ACTN1: variants seen among roughly 807,000 people sequenced by gnomAD.
The protein encoded by ACTN1 is alpha-actinin-1.
A neutral mutation model predicts 119.6 loss-of-function variants in ACTN1; 30 were observed. The ratio of observed to expected loss-of-function variants is 0.25; its 90% CI spans 0.19 to 0.34. The LOEUF is 0.34. Ranked by LOEUF, ACTN1 falls within the 10% of genes least tolerant of loss-of-function variation. The pLI is 1.00. For missense variants in ACTN1, 764 were observed against 1,223.4 expected, an observed-to-expected ratio of 0.62 and a Z score of 5.60; for synonymous variants, 429 against 472.6, an observed-to-expected ratio of 0.91 and a Z score of 1.20.
Position 68,935,387 on chromosome 14 carries a change from A to ATTT in ACTN1, c.106-9718_106-9716dup, listed in dbSNP as rs560204692. Among the ~76,000 whole-genome samples the ATTT allele has an allele frequency of 1.1e-3, 63 of 56,426 alleles. 6 individuals are homozygous for ATTT. The highest frequency in any genetic ancestry group is 2.6e-3 in the Admixed American group (10 of 3,800). The allele number at this position is 56,426 out of a possible 152,430, so 37.0% of individuals were successfully genotyped here. A position where few individuals can be genotyped will look rare whatever the true frequency, so the allele number is the denominator to read the frequency against. ...TCTCCTGTCAGAGAGCTCTCTGTTC[A>ATTT]TTTTTTTTTTTTTTTTTTTTTTTTT... is the stretch of plus-strand genomic sequence containing the variant. On this transcript the variant is annotated intron_variant, in intron 1 of 21. Transcript: ENST00000394419.
In ACTN1 at chr14:68,880,995, C is replaced by T; in HGVS notation, c.1954-6G>A. ...ATGGAGATCCTCCCGATCTCCTGCTCACCGGGAAGGAAGCACCTTGTCAGA... is the reference window on the plus strand; with the variant it reads ...ATGGAGATCCTCCCGATCTCCTGCTTACCGGGAAGGAAGCACCTTGTCAGA... On this transcript the variant is annotated splice_region_variant and splice_polypyrimidine_tract_variant and intron_variant, in intron 16 of 21. Transcript: ENST00000394419. The surrounding 1 kb of genome is among the most constrained non-coding windows in gnomAD (Gnocchi z 4.6). The T allele has an allele frequency of 1.9e-6, 3 of 1,613,772 alleles. No individual in the cohort carries two copies. Among genetic ancestry groups the T allele is most frequent in the South Asian group, 1.1e-5 (1 of 91,050 alleles).
At chr14:68,940,413 G>C (rs1594850131) in intron 1 of ACTN1, among the ~76,000 whole-genome samples, 1 of 152,240 alleles carries the variant, frequency 6.6e-6, no homozygotes, top group East Asian at 1.9e-4. Context: ...CCATGTAGTT[G>C]AGGTATGACC....
intron 3 of ACTN1, among the ~76,000 whole-genome samples, chr14:68,915,619 G>C (rs1594807844): frequency 6.6e-6 from 1 of 152,226 alleles, no homozygotes; most frequent in African/African-American, 2.4e-5. Flanking sequence ...CCACAAGTGG[G>C]GGAATGGGCA....
chr14:68,923,113 G>A (rs746556808), intron 2 of ACTN1, among the ~76,000 whole-genome samples: 1 of 152,212 alleles, frequency 6.6e-6, no homozygotes, highest in Non-Finnish European at 1.5e-5. Flanking sequence ...TGGGTATCAT[G>A]AGGACAAGCC....
chr14:68,977,773 C>CACT, intron 1 of ACTN1: 1 of 346,566 alleles, frequency 2.9e-6, no homozygotes, highest in East Asian at 8.3e-5. Context: ...GCCCTAACCG[C>CACT]ACTATCCAAA....
intron 1 of ACTN1, among the ~76,000 whole-genome samples, chr14:68,940,777 C>A (rs2035737453): frequency 2.0e-5 from 3 of 152,168 alleles, no homozygotes; most frequent in African/African-American, 7.2e-5. Flanking sequence ...AGATTCCAAA[C>A]CCCTGTGTGG....
At position 68,902,359 on chromosome 14, in the gene ACTN1, G is replaced by A. The variant is rs148832824; in HGVS notation, c.762+118C>T. The A allele has an allele frequency of 1.7e-4, 150 of 883,038 alleles. No homozygotes were observed. In the African/African-American group the frequency reaches 1.9e-3, roughly 11 times the overall value. The allele number at this position is 883,038 out of a possible 1,614,324, so 54.7% of individuals were successfully genotyped here. On this transcript the variant is annotated intron_variant, in intron 8 of 21. Coordinates refer to ENST00000394419, the MANE Select transcript of ACTN1 (RefSeq NM_001130004.2). ...TCAGAACTAGGGACTGCCTCTGTCC[G>A]AGAGACCAGACCATCCAGATACCTG...
intron 1 of ACTN1, among the ~76,000 whole-genome samples, chr14:68,939,171 C>G (rs1188216685): frequency 6.6e-6 from 1 of 152,238 alleles, no homozygotes; most frequent in Non-Finnish European, 1.5e-5. Flanking sequence ...AACCTATGGG[C>G]TCCCAGGAGA....
At chr14:68,970,593 G>T (rs2036852755) in intron 1 of ACTN1, among the ~76,000 whole-genome samples, 1 of 152,196 alleles carries the variant, frequency 6.6e-6, no homozygotes, top group Non-Finnish European at 1.5e-5. Context: ...GAGAAGGGGA[G>T]GGTGCTGCTG....
Position 68,878,595 on chromosome 14 carries a change from C to G in ACTN1, c.2362-72G>C. The G allele has an allele frequency of 1.3e-6, 2 of 1,598,654 alleles. No individual in the cohort carries two copies. Among genetic ancestry groups the G allele is most frequent in the African/African-American group, 2.7e-5 (2 of 74,692 alleles). Reference sequence around the variant, plus strand: ...GGAAGAGGAAGGGCCGGCCCGGGGCCAGGAAGACAGGAACAGATGGCCAGA... The same window carrying G: ...GGAAGAGGAAGGGCCGGCCCGGGGCGAGGAAGACAGGAACAGATGGCCAGA... On this transcript the variant is annotated intron_variant, in intron 19 of 21. Transcript: ENST00000394419. The surrounding 1 kb of genome is among the most constrained non-coding windows in gnomAD (Gnocchi z 4.4).
intron 3 of ACTN1, among the ~76,000 whole-genome samples, chr14:68,918,909 A>G (rs2034487996): frequency 6.6e-6 from 1 of 152,124 alleles, no homozygotes; most frequent in Non-Finnish European, 1.5e-5. Flanking sequence ...ACACTCTTCC[A>G]CTCTAGCAAC....
At chr14:68,911,217 T>A (rs2033987307) in intron 4 of ACTN1, among the ~76,000 whole-genome samples, 1 of 152,224 alleles carries the variant, frequency 6.6e-6, no homozygotes, top group South Asian at 2.1e-4. Context: ...CTACTTAGCT[T>A]AAGCTCTTCG....
At chr14:68,942,313 C>T (rs538480231) in intron 1 of ACTN1, among the ~76,000 whole-genome samples, 4 of 152,106 alleles carry the variant, frequency 2.6e-5, no homozygotes, top group African/African-American at 9.6e-5. Flanking sequence ...CCAGGGAGGT[C>T]GAGGCTGCAG....
chr14:68,968,996 G>A (rs928597986), intron 1 of ACTN1, among the ~76,000 whole-genome samples: 5 of 152,202 alleles, frequency 3.3e-5, no homozygotes, highest in African/African-American at 1.2e-4. Flanking sequence ...AAAGGCATCA[G>A]GTACAGGCCC....
chr14:68,890,780 C>T (rs1252721302), intron 10 of ACTN1, among the ~76,000 whole-genome samples: 2 of 152,184 alleles, frequency 1.3e-5, no homozygotes, highest in African/African-American at 4.8e-5. Context: ...TACAGAGACC[C>T]CGGCCTGGGT....
In ACTN1 at chr14:68,882,763, T is replaced by C; in HGVS notation, c.1818+110A>G. 1 of 1,515,220 alleles carries C rather than the reference T, an allele frequency of 6.6e-7. No homozygotes were observed. Among genetic ancestry groups the C allele is most frequent in the East Asian group, 2.3e-5 (1 of 44,096 alleles). The allele number at this position is 1,515,220 out of a possible 1,614,324, so 93.9% of individuals were successfully genotyped here. Reference sequence around the variant, plus strand: ...ATTTGACATTTGGACAAACAATGAGTGTTTACTATATGACAATTTTAAATG... The same window carrying C: ...ATTTGACATTTGGACAAACAATGAGCGTTTACTATATGACAATTTTAAATG... On this transcript the variant is annotated intron_variant, in intron 15 of 21. Transcript: ENST00000394419. This position sits in a 1 kb window ranked among gnomAD's most constrained non-coding sequence, Gnocchi z 4.5.
chr14:68,923,181 C>T lies in ACTN1; in HGVS notation c.221-2056G>A, dbSNP rs377314577. ...CGGAGCACCGCCTACATGTCTGGTGCTGTTCTAAGCACCTGAGACACAGAG... is the reference window on the plus strand; with the variant it reads ...CGGAGCACCGCCTACATGTCTGGTGTTGTTCTAAGCACCTGAGACACAGAG... On this transcript the variant is annotated intron_variant, in intron 2 of 21. Coordinates refer to ENST00000394419, the MANE Select transcript of ACTN1 (RefSeq NM_001130004.2). 5.3e-5 allele frequency among the ~76,000 whole-genome samples: 8 copies of T among 152,324 alleles called. No individual in the cohort carries two copies. The South Asian group carries it at 1.7e-3, about 32-fold the overall frequency.
chr14:68,959,869 C>T (rs1220657933), intron 1 of ACTN1, among the ~76,000 whole-genome samples: 1 of 152,192 alleles, frequency 6.6e-6, no homozygotes, highest in Non-Finnish European at 1.5e-5. Flanking sequence ...CCACATATAA[C>T]TGACTCCCCA....
Position 68,882,930 on chromosome 14 carries a change from C to T in ACTN1, c.1761G>A (p.Ala587=), listed in dbSNP as rs373146144. 3.7e-5 allele frequency: 60 copies of T among 1,614,032 alleles called. No homozygotes were observed. The highest frequency in any genetic ancestry group is 3.3e-4 in the Middle Eastern group (2 of 6,084). Residue 587 remains alanine (A), a synonymous_variant, in exon 15 of 22, where the codon GCG becomes GCA. Transcript: ENST00000394419. This position sits in a 1 kb window ranked among gnomAD's most constrained non-coding sequence, Gnocchi z 4.5. ...KIVQTYHVNM[A]GTNPYTTITP... ...TGATGGTTGTGTAGGGGTTGGTGCCCGCCATATTGACGTGGTAGGTCTGGA... is the reference window on the plus strand; with the variant it reads ...TGATGGTTGTGTAGGGGTTGGTGCCTGCCATATTGACGTGGTAGGTCTGGA...
Sources: allele counts gnomAD v4.1 joint callset (sites outside exome capture counted in the v4.1 genomes callset), GRCh38; gene constraint gnomAD v4.1.1; non-coding constraint Gnocchi (gnomAD v3.1); transcripts MANE v1.5; gene names NCBI Gene and HGNC (gene_info 2026-07-23, HGNC 2026-07-21).